Variants in C8orf34 observed in about 807,000 individuals in gnomAD.
C8orf34 encodes the protein uncharacterized protein C8orf34.
In C8orf34, 65 loss-of-function variants were observed where a neutral mutation model predicts 68.3. That is an observed-to-expected ratio of 0.95 (90% CI 0.78 to 1.17). The LOEUF is 1.17. Ranked by LOEUF, C8orf34 falls within the 50% of genes most tolerant of loss-of-function variation. The pLI is 0.00. For missense variants in C8orf34, 664 were observed against 655.4 expected (o/e 1.01, Z -0.14); for synonymous variants, 244 against 241.2 (o/e 1.01, Z -0.11).
chr8:68,373,689 CA>C (rs1007282344), intron 1 of C8orf34, among the ~76,000 whole-genome samples: 2 of 151,720 alleles, frequency 1.3e-5, no homozygotes, highest in Non-Finnish European at 2.9e-5. Context: ...AGCATATGGC[CA>C]AAAAAATAAA....
At chr8:68,463,417 G>A (rs903471857) in intron 3 of C8orf34, among the ~76,000 whole-genome samples, 1 of 152,174 alleles carries the variant, frequency 6.6e-6, no homozygotes. Flanking sequence ...CAGAAAAAGA[G>A]GGAATCCTCC....
At chr8:68,460,927 A>T (rs1269904382) in intron 3 of C8orf34, among the ~76,000 whole-genome samples, 1 of 152,262 alleles carries the variant, frequency 6.6e-6, no homozygotes, top group East Asian at 1.9e-4. Context: ...CCAGCAACGG[A>T]ACAAAGCTGG....
At chr8:68,533,699 T>C (rs1372078885) in intron 7 of C8orf34, 6 of 953,126 alleles carry the variant, frequency 6.3e-6, no homozygotes, top group Middle Eastern at 5.4e-4. Context: ...ATTAATCTTG[T>C]ATATGTAGGA....
At chr8:68,462,378 T>A (rs980324761) in intron 3 of C8orf34, among the ~76,000 whole-genome samples, 3 of 152,136 alleles carry the variant, frequency 2.0e-5, no homozygotes, top group Non-Finnish European at 4.4e-5. Flanking sequence ...ATTAGACACA[T>A]CAATGAGACA....
At chr8:68,708,124 T>C (rs1471740165) in intron 8 of C8orf34, among the ~76,000 whole-genome samples, 1 of 152,180 alleles carries the variant, frequency 6.6e-6, no homozygotes, top group African/African-American at 2.4e-5. Flanking sequence ...TTTAATTTTC[T>C]TATACAATAC....
chr8:68,388,477 T>G (rs1199995812), intron 1 of C8orf34, among the ~76,000 whole-genome samples: 3 of 152,116 alleles, frequency 2.0e-5, no homozygotes, highest in Admixed American at 2.0e-4. Flanking sequence ...TTCTCTTCTA[T>G]TAAAAAATCT....
At chr8:68,517,375 A>G (rs1273250961) in intron 5 of C8orf34, among the ~76,000 whole-genome samples, 2 of 152,146 alleles carry the variant, frequency 1.3e-5, no homozygotes, top group Non-Finnish European at 2.9e-5. Context: ...CTTTGCTTCC[A>G]TTTTTTCATC....
chr8:68,383,949 A>G (rs1478993468), intron 1 of C8orf34, among the ~76,000 whole-genome samples: 3 of 152,242 alleles, frequency 2.0e-5, no homozygotes, highest in African/African-American at 7.2e-5. Flanking sequence ...CTGTTCTGCC[A>G]AAAGAAACAT....
intron 10 of C8orf34, among the ~76,000 whole-genome samples, chr8:68,761,357 A>T (rs1563654068): frequency 6.6e-6 from 1 of 152,144 alleles, no homozygotes; most frequent in Non-Finnish European, 1.5e-5. Context: ...TTCAGGCAAC[A>T]GTTCTTTCCT....
Position 68,655,140 on chromosome 8 carries a change from T to C in C8orf34, c.1241+14629T>C, listed in dbSNP as rs556528251. On this transcript the variant is annotated intron_variant, in intron 8 of 13. Transcript: ENST00000518698. ...GGATTTATATCATATTTATAGAATA[T>C]GTAAATAGCTTTAGATGTAATTAGG... 3.3e-5 allele frequency among the ~76,000 whole-genome samples: 5 copies of C among 152,262 alleles called. No individual in the cohort carries two copies. The South Asian group carries it at 1.0e-3, about 32-fold the overall frequency.
chr8:68,460,087 T>G (rs574261172), intron 3 of C8orf34, among the ~76,000 whole-genome samples: 18 of 152,290 alleles, frequency 1.2e-4, no homozygotes, highest in African/African-American at 3.8e-4. Context: ...ACTCCCACCC[T>G]AATACTGTGC....
intron 1 of C8orf34, among the ~76,000 whole-genome samples, chr8:68,404,646 G>T (rs1009843280): frequency 3.4e-4 from 52 of 152,188 alleles, no homozygotes; most frequent in African/African-American, 1.2e-3. Context: ...TTTCCCCATT[G>T]CTTGTTTTTG....
rs762333641 is a variant in C8orf34 at position 68,640,473 on chromosome 8, G to A, written c.1203G>A (p.Gln401=). The A allele has an allele frequency of 6.2e-7, 1 of 1,613,882 alleles. No individual in the cohort carries two copies. The highest frequency in any genetic ancestry group is 1.1e-5 in the South Asian group (1 of 91,074). The change falls in exon 8 of 14, where the codon CAG becomes CAA. Residue 401 remains glutamine (Q), a synonymous_variant. Transcript: ENST00000518698. ...GTCCTACTTACCCTGCTGAGCCTCA[G>A]GCCAAGGTCACACTGAACATCTGTT... The part of the protein sequence containing the change: ...QGRPTYPAEP[Q]AKVTLNICSR...
chr8:68,376,186 TAAAATA>T (rs1245282807), intron 1 of C8orf34, among the ~76,000 whole-genome samples: 1 of 124,156 alleles, frequency 8.1e-6, no homozygotes, highest in Non-Finnish European at 1.9e-5. Flanking sequence ...AAGGCAGACA[TAAAATA>T]AAATAAAATA....
At chr8:68,434,643 C>A (rs1810581649) in intron 1 of C8orf34, among the ~76,000 whole-genome samples, 1 of 152,040 alleles carries the variant, frequency 6.6e-6, no homozygotes, top group African/African-American at 2.4e-5. Flanking sequence ...TTTGTTCCAG[C>A]AACAAAATTA....
intron 1 of C8orf34, among the ~76,000 whole-genome samples, chr8:68,401,521 A>G (rs1808954310): frequency 6.6e-6 from 1 of 152,036 alleles, no homozygotes; most frequent in Non-Finnish European, 1.5e-5. Flanking sequence ...TTTCTCATAT[A>G]TGGCCTTGAT....
chr8:68,419,450 C>T (rs1341813303), intron 1 of C8orf34, among the ~76,000 whole-genome samples: 13 of 150,866 alleles, frequency 8.6e-5, no homozygotes, highest in Admixed American at 8.6e-4. Flanking sequence ...ACTAGAAATA[C>T]CATTTGACCC....
At chr8:68,535,573 G>T (rs2129864094) in intron 7 of C8orf34, 1 of 807,774 alleles carries the variant, frequency 1.2e-6, no homozygotes. Context: ...CTCTTGTTTT[G>T]TTTATTAAGG....
rs543936745 is a variant in C8orf34 at position 68,810,868 on chromosome 8, G to A, written c.1550-5018G>A. Among the ~76,000 whole-genome samples, 14 of 152,304 alleles carry A rather than the reference G, an allele frequency of 9.2e-5. No homozygotes were observed. The East Asian group carries it at 2.5e-3, about 27-fold the overall frequency. Reference sequence around the variant, plus strand: ...AGGTTTTTATGGGCTTCAGAAGGGAGGAAGTGTGTACTGACTGGTCCATGC... The same window carrying A: ...AGGTTTTTATGGGCTTCAGAAGGGAAGAAGTGTGTACTGACTGGTCCATGC... On this transcript the variant is annotated intron_variant, in intron 12 of 13. Transcript: ENST00000518698.
Sources: allele counts gnomAD v4.1 joint callset (sites outside exome capture counted in the v4.1 genomes callset), GRCh38; gene constraint gnomAD v4.1.1; transcripts MANE v1.5; gene names NCBI Gene and HGNC (gene_info 2026-07-23, HGNC 2026-07-21).